CMTM7: variants seen among roughly 807,000 people sequenced by gnomAD.
CMTM7 encodes CKLF-like MARVEL transmembrane domain-containing protein 7.
In CMTM7, 7 loss-of-function variants were observed where a neutral mutation model predicts 19.3. The ratio of observed to expected loss-of-function variants is 0.36; its 90% CI spans 0.21 to 0.68. CMTM7 has a LOEUF of 0.68. Among genes scored for constraint, CMTM7 ranks in the 30% least tolerant of loss-of-function variants. CMTM7 has a pLI of 0.60. For missense variants in CMTM7, 193 were observed against 232.6 expected (o/e 0.83, Z 1.11); for synonymous variants, 87 against 99.3 (o/e 0.88, Z 0.74).
chr3:32,438,381 A>AC (rs1251154871), intron 1 of CMTM7, among the ~76,000 whole-genome samples: 1 of 151,866 alleles, frequency 6.6e-6, no homozygotes, highest in African/African-American at 2.4e-5. Context: ...TTATTTTGTC[A>AC]CCCAGGAATT....
Position 32,440,333 on chromosome 3 carries a change from G to A in CMTM7, c.160-1507G>A, listed in dbSNP as rs889398118. 3.3e-5 allele frequency among the ~76,000 whole-genome samples: 5 copies of A among 151,972 alleles called. No homozygotes were observed. The East Asian group carries it at 5.8e-4, about 18-fold the overall frequency. ...GAGGCAAGAGAATCGCTTGAATCTC[G>A]TAGGCAGAGTTGCAGTGAGCCAAGA... On this transcript the variant is annotated intron_variant, in intron 1 of 4. Coordinates refer to ENST00000334983, the MANE Select transcript of CMTM7 (RefSeq NM_138410.4).
chr3:32,416,361 A>ATTTTTCTTTCTTTTTTTTTT (rs780778458), intron 1 of CMTM7, among the ~76,000 whole-genome samples: 1 of 72,442 alleles, frequency 1.4e-5, no homozygotes, highest in Non-Finnish European at 2.5e-5. Context: ...ATCCGGGCTA[A>ATTTTTCTTTCTTTTTTTTTT]TTTTTTTTTT....
intron 3 of CMTM7, chr3:32,451,104 GA>G: frequency 6.6e-6 from 1 of 152,218 alleles, no homozygotes. Flanking sequence ...AACAGACAAT[GA>G]GAGGCCGGGA....
intron 4 of CMTM7, 101 bp downstream of exon 4, chr3:32,452,574 G>C: frequency 8.3e-7 from 1 of 1,202,398 alleles, no homozygotes; most frequent in Non-Finnish European, 1.2e-6. Context: ...TGAGAAGGCT[G>C]TGTTCCAAGG....
At position 32,454,235 on chromosome 3, in the gene CMTM7, C is replaced by G. The variant is rs552017660; in HGVS notation, c.515-6C>G. On this transcript the variant is annotated splice_polypyrimidine_tract_variant and splice_region_variant and intron_variant, in intron 4 of 4. Coordinates refer to ENST00000334983, the MANE Select transcript of CMTM7 (RefSeq NM_138410.4). Reference sequence around the variant, plus strand: ...AAGCTGTCCTGACTGCCATTTCCTTCCCAAGATGCAGCCGTCTGATGAGGC... The same window carrying G: ...AAGCTGTCCTGACTGCCATTTCCTTGCCAAGATGCAGCCGTCTGATGAGGC... 1.3e-6 allele frequency: 2 copies of G among 1,597,388 alleles called. No individual in the cohort carries two copies. Among genetic ancestry groups the G allele is most frequent in the Admixed American group, 1.7e-5 (1 of 59,098 alleles).
intron 3 of CMTM7, chr3:32,451,910 T>C (rs1696838233): frequency 2.4e-6 from 1 of 421,182 alleles, no homozygotes; most frequent in Non-Finnish European, 4.4e-6. Context: ...TGTAAAGGCC[T>C]CGGCTTCTGG....
At chr3:32,393,886 C>A (rs1364618529) in intron 1 of CMTM7, among the ~76,000 whole-genome samples, 2 of 151,914 alleles carry the variant, frequency 1.3e-5, no homozygotes, top group Admixed American at 6.6e-5. Flanking sequence ...TCCATCTCAT[C>A]TTAAGCTCCT....
intron 1 of CMTM7, among the ~76,000 whole-genome samples, chr3:32,437,112 A>C (rs1696609060): frequency 6.6e-6 from 1 of 152,064 alleles, no homozygotes; most frequent in South Asian, 2.1e-4. Flanking sequence ...TGAAATTTAA[A>C]CCCTCTGCTC....
Position 32,393,438 on chromosome 3 carries a change from A to G in CMTM7, c.159+1373A>G, listed in dbSNP as rs73071427. On this transcript the variant is annotated intron_variant, in intron 1 of 4. Coordinates refer to ENST00000334983, the MANE Select transcript of CMTM7 (RefSeq NM_138410.4). Reference sequence around the variant, plus strand: ...CTTAAAAGATGGGCTGGGGTGAGACATATCCTACCTGAGCATTGGAAGGGA... The same window carrying G: ...CTTAAAAGATGGGCTGGGGTGAGACGTATCCTACCTGAGCATTGGAAGGGA... 8.3e-3 allele frequency among the ~76,000 whole-genome samples: 1,269 copies of G among 152,282 alleles called. 13 individuals carry two copies. Among genetic ancestry groups the G allele is most frequent in the Non-Finnish European group, 0.014 (979 of 68,026 alleles).
intron 1 of CMTM7, among the ~76,000 whole-genome samples, chr3:32,441,267 C>T (rs891416412): frequency 1.3e-5 from 2 of 152,196 alleles, no homozygotes; most frequent in African/African-American, 4.8e-5. Flanking sequence ...GCCTCCGTTT[C>T]CCCTTATGAA....
chr3:32,423,391 A>G (rs1338450266), intron 1 of CMTM7, among the ~76,000 whole-genome samples: 1 of 152,222 alleles, frequency 6.6e-6, no homozygotes, highest in Non-Finnish European at 1.5e-5. Context: ...CTCTTTTCAA[A>G]TGGAATCTTA....
Position 32,452,063 on chromosome 3 carries a change from C to T in CMTM7, c.433-329C>T, listed in dbSNP as rs983933471. The T allele has an allele frequency of 3.7e-6, 5 of 1,363,588 alleles. No homozygotes were observed. The African/African-American group carries it at 4.4e-5, about 12-fold the overall frequency. 84.5% of individuals were successfully genotyped at this position (1,363,588 alleles called of 1,614,324 possible). On this transcript the variant is annotated intron_variant, in intron 3 of 4. Coordinates refer to ENST00000334983, the MANE Select transcript of CMTM7 (RefSeq NM_138410.4). ...TTCATCCTTTTCTTCTCTTTTGGTCCAGGATAATCAAAGTCCATTGGCTTA... is the reference window on the plus strand; with the variant it reads ...TTCATCCTTTTCTTCTCTTTTGGTCTAGGATAATCAAAGTCCATTGGCTTA...
At chr3:32,402,366 C>G (rs1238874250) in intron 1 of CMTM7, among the ~76,000 whole-genome samples, 1 of 152,158 alleles carries the variant, frequency 6.6e-6, no homozygotes, top group Non-Finnish European at 1.5e-5. Context: ...CCCGCCTTGG[C>G]CTCCCAAAGT....
chr3:32,392,835 T>C lies in CMTM7; in HGVS notation c.159+770T>C, dbSNP rs200873692. Among the ~76,000 whole-genome samples the C allele has an allele frequency of 2.4e-4, 37 of 152,364 alleles. No individual in the cohort carries two copies. In the East Asian group the frequency reaches 6.9e-3, roughly 29 times the overall value. Reference sequence around the variant, plus strand: ...TGACCAACTCAGCACAAGGGCCTCCTACCAGGGCAGACGTTGCCTGGCCGA... The same window carrying C: ...TGACCAACTCAGCACAAGGGCCTCCCACCAGGGCAGACGTTGCCTGGCCGA... On this transcript the variant is annotated intron_variant, in intron 1 of 4. Coordinates refer to ENST00000334983, the MANE Select transcript of CMTM7 (RefSeq NM_138410.4).
rs956490340 is a variant in CMTM7 at position 32,454,818 on chromosome 3, A to C, written c.*564A>C. On this transcript the variant is annotated 3_prime_UTR_variant, in exon 5 of 5. Coordinates refer to ENST00000334983, the MANE Select transcript of CMTM7 (RefSeq NM_138410.4). ...GTGTGCATGTGTTTGTGTGTTTTTT[A>C]ATAAAATATTGACTCGGCCAGTTGC... 1 of 214,314 alleles carries C rather than the reference A, an allele frequency of 4.7e-6. No homozygotes were observed. Among genetic ancestry groups the C allele is most frequent in the East Asian group, 1.3e-4 (1 of 7,736 alleles). 13.3% of individuals were successfully genotyped at this position (214,314 alleles called of 1,614,324 possible).
intron 2 of CMTM7, among the ~76,000 whole-genome samples, chr3:32,447,608 T>C (rs1408496837): frequency 6.6e-6 from 1 of 152,242 alleles, no homozygotes; most frequent in Non-Finnish European, 1.5e-5. Flanking sequence ...TTTTGGCTCT[T>C]TTATTAGGTG....
intron 1 of CMTM7, among the ~76,000 whole-genome samples, chr3:32,418,227 A>AT (rs374939578): frequency 3.2e-4 from 49 of 152,154 alleles, no homozygotes; most frequent in African/African-American, 1.2e-3. Flanking sequence ...ATCTATTCAC[A>AT]TTTTTTGCCC....
chr3:32,409,020 T>C (rs1696133561), intron 1 of CMTM7, among the ~76,000 whole-genome samples: 1 of 152,116 alleles, frequency 6.6e-6, no homozygotes, highest in Admixed American at 6.5e-5. Flanking sequence ...TAGCTGGGAC[T>C]ACAGTCACGC....
chr3:32,416,385 T>C (rs1365186069), intron 1 of CMTM7, among the ~76,000 whole-genome samples: 1 of 102,106 alleles, frequency 9.8e-6, no homozygotes, highest in Non-Finnish European at 2.0e-5. Context: ...TTTTTTTTTT[T>C]TTTTTTTTTT....
Sources: allele counts gnomAD v4.1 joint callset (sites outside exome capture counted in the v4.1 genomes callset), GRCh38; gene constraint gnomAD v4.1.1; transcripts MANE v1.5; gene names NCBI Gene and HGNC (gene_info 2026-07-23, HGNC 2026-07-21).